The following SATB2 variants were observed in gnomAD, a reference collection of about 807,000 sequenced individuals.
SATB2 encodes the protein SATB homeobox 2, also known as DNA-binding protein SATB2.
Under a neutral mutation model 73.4 loss-of-function variants are expected in SATB2, and 1 was observed. The observed-to-expected ratio is 0.01, with a 90% confidence interval of 0.00 to 0.06. SATB2 has a LOEUF of 0.06. Among genes scored for constraint, SATB2 ranks in the 10% least tolerant of loss-of-function variants. SATB2 has a pLI of 1.00. For missense variants in SATB2, 459 were observed against 945.8 expected (o/e 0.49, Z 6.75); for synonymous variants, 397 against 367.0 (o/e 1.08, Z -0.93).
At chr2:199,314,035 A>G (rs1687663730) in intron 9 of SATB2, among the ~76,000 whole-genome samples, 1 of 152,162 alleles carries the variant, frequency 6.6e-6, no homozygotes, top group South Asian at 2.1e-4. Context: ...CTGTACTTCA[A>G]GGCTCAGCTG....
chr2:199,372,759 G>T (rs1411198533), intron 5 of SATB2, among the ~76,000 whole-genome samples: 1 of 152,076 alleles, frequency 6.6e-6, no homozygotes, highest in Non-Finnish European at 1.5e-5. Flanking sequence ...AAAAAACAAG[G>T]TAACAACAGC....
chr2:199,281,174 C>T (rs1317763949), intron 10 of SATB2, among the ~76,000 whole-genome samples: 1 of 151,058 alleles, frequency 6.6e-6, no homozygotes, highest in Non-Finnish European at 1.5e-5. Context: ...CGGGAGGTTG[C>T]AGTGAGCTGA....
intron 2 of SATB2, among the ~76,000 whole-genome samples, chr2:199,438,107 CAAAT>C (rs1559055096): frequency 6.6e-6 from 1 of 151,534 alleles, no homozygotes; most frequent in African/African-American, 2.4e-5. Flanking sequence ...ATAACAAAAA[CAAAT>C]AAAATAAAAT....
intron 2 of SATB2, among the ~76,000 whole-genome samples, chr2:199,447,090 C>A (rs143135766): frequency 6.6e-6 from 1 of 152,090 alleles, no homozygotes; most frequent in Admixed American, 6.5e-5. Context: ...TCAAGGTTCC[C>A]GGGTGAACTC....
intron 7 of SATB2, among the ~76,000 whole-genome samples, chr2:199,329,852 G>A (rs1688138898): frequency 6.6e-6 from 1 of 152,130 alleles, no homozygotes; most frequent in Admixed American, 6.6e-5. Context: ...CGTACTGGGG[G>A]TAGGTGCAGG....
chr2:199,429,777 G>C (rs543558441), intron 3 of SATB2, among the ~76,000 whole-genome samples: 1 of 152,280 alleles, frequency 6.6e-6, no homozygotes, highest in South Asian at 2.1e-4. Context: ...AGGCTTGGTG[G>C]CAGGCGCCTG....
At chr2:199,414,747 A>C (rs1690924059) in intron 3 of SATB2, among the ~76,000 whole-genome samples, 1 of 151,866 alleles carries the variant, frequency 6.6e-6, no homozygotes, top group Admixed American at 6.6e-5. Flanking sequence ...TCGAAGCACC[A>C]TGTGGCATCT....
chr2:199,365,244 T>C (rs941589509), intron 6 of SATB2, among the ~76,000 whole-genome samples: 3 of 151,944 alleles, frequency 2.0e-5, no homozygotes, highest in Non-Finnish European at 2.9e-5. Context: ...TCGGAGCTTA[T>C]GAGCTCTACA....
At chr2:199,333,658 A>G (rs1449720615) in intron 7 of SATB2, among the ~76,000 whole-genome samples, 9 of 152,132 alleles carry the variant, frequency 5.9e-5, no homozygotes, top group African/African-American at 2.2e-4. Context: ...GTCTACATTA[A>G]TATGATTCTG....
upstream of SATB2, among the ~76,000 whole-genome samples, chr2:199,468,618 C>T (rs566982607): frequency 2.6e-5 from 4 of 152,344 alleles, no homozygotes; most frequent in East Asian, 5.8e-4. Flanking sequence ...CCAGTATAGA[C>T]TAAGTGAATG....
chr2:199,311,025 C>G (rs1687580774), intron 9 of SATB2, among the ~76,000 whole-genome samples: 1 of 152,190 alleles, frequency 6.6e-6, no homozygotes, highest in Non-Finnish European at 1.5e-5. Flanking sequence ...TGCTGTCTGC[C>G]ATCAGTCTTT....
chr2:199,388,716 G>C (rs1038655758), intron 3 of SATB2, among the ~76,000 whole-genome samples: 2 of 152,040 alleles, frequency 1.3e-5, no homozygotes, highest in Admixed American at 1.3e-4. Flanking sequence ...AAAGGCTGGG[G>C]TTTGTATATC....
At chr2:199,333,735 T>A (rs1403544095) in intron 7 of SATB2, among the ~76,000 whole-genome samples, 3 of 152,144 alleles carry the variant, frequency 2.0e-5, no homozygotes, top group African/African-American at 4.8e-5. Flanking sequence ...TATTAGATAA[T>A]CTGTTCAGCC....
chr2:199,370,640 C>G (rs965617901), intron 5 of SATB2, among the ~76,000 whole-genome samples: 1 of 152,068 alleles, frequency 6.6e-6, no homozygotes, highest in Non-Finnish European at 1.5e-5. Context: ...AGGCCACAAG[C>G]CCAGACGACT....
chr2:199,312,763 T>C (rs1687629987), intron 9 of SATB2, among the ~76,000 whole-genome samples: 1 of 152,160 alleles, frequency 6.6e-6, no homozygotes, highest in Non-Finnish European at 1.5e-5. Flanking sequence ...AGTGATGATA[T>C]ACTGACACCA....
chr2:199,384,786 T>A (rs952895879), intron 3 of SATB2, among the ~76,000 whole-genome samples: 4 of 152,160 alleles, frequency 2.6e-5, no homozygotes, highest in Non-Finnish European at 5.9e-5. Context: ...AAAGTACTGA[T>A]CTTACAAGAA....
intron 6 of SATB2, among the ~76,000 whole-genome samples, chr2:199,354,141 T>C (rs939977613): frequency 6.6e-6 from 1 of 152,156 alleles, no homozygotes; most frequent in Non-Finnish European, 1.5e-5. Context: ...GCGGATCACT[T>C]GAGATCAGGA....
At chr2:199,289,829 C>T (rs34634963) in intron 10 of SATB2, among the ~76,000 whole-genome samples, 8,612 of 152,236 alleles carry the variant, frequency 0.057, 318 homozygotes, top group Non-Finnish European at 0.086. Flanking sequence ...CCACGTGTTG[C>T]TGATTATTCC....
chr2:199,436,677 C>T (rs1478968652), intron 2 of SATB2, among the ~76,000 whole-genome samples: 2 of 151,824 alleles, frequency 1.3e-5, no homozygotes, highest in Non-Finnish European at 2.9e-5. Context: ...AAAATAGATG[C>T]AATTACTAAT....
Sources: gnomAD v4.1 joint callset for allele counts (sites outside exome capture counted in the v4.1 genomes callset) on GRCh38, gnomAD v4.1.1 for gene constraint, MANE v1.5 for transcripts, NCBI Gene and HGNC (gene_info 2026-07-23, HGNC 2026-07-21) for gene names.